The following IGF2R variants were observed in gnomAD, a reference collection of about 807,000 sequenced individuals.
The protein encoded by IGF2R is insulin like growth factor 2 receptor, also known as cation-independent mannose-6-phosphate receptor.
In IGF2R, 91 loss-of-function variants were observed where a neutral mutation model predicts 270.6. The observed-to-expected ratio is 0.34, with a 90% CI of 0.28 to 0.40. IGF2R has a LOEUF of 0.40. Among genes scored for constraint, IGF2R ranks in the 10% least tolerant of loss-of-function variants. IGF2R has a pLI of 1.00. For synonymous variants in IGF2R, 1,316 were observed against 1,258.9 expected (o/e 1.05, Z -0.96); for missense variants, 2,805 against 3,188.3 (o/e 0.88, Z 2.90).
intron 1 of IGF2R, among the ~76,000 whole-genome samples, chr6:159,978,080 C>T (rs1007452706): frequency 6.6e-6 from 1 of 152,150 alleles, no homozygotes; most frequent in Non-Finnish European, 1.5e-5. Context: ...TTCTCGCCCT[C>T]CCAGAGCTCT....
intron 19 of IGF2R, among the ~76,000 whole-genome samples, chr6:160,054,971 T>TAACACTCTTTTTCCTGAGTGTTAA (rs1778279051): frequency 6.6e-5 from 10 of 152,118 alleles, no homozygotes; most frequent in Non-Finnish European, 1.3e-4. Flanking sequence ...GTCTGCTTTG[T>TAACACTCTTTTTCCTGAGTGTTAA]CATTGGCTAA....
chr6:159,983,326 T>G, intron 1 of IGF2R, among the ~76,000 whole-genome samples: 1 of 152,200 alleles, frequency 6.6e-6, no homozygotes, highest in Non-Finnish European at 1.5e-5. Flanking sequence ...CTTGTGTGCT[T>G]CCTTCTAATT....
chr6:160,059,576 A>G (rs1248042486), intron 22 of IGF2R, among the ~76,000 whole-genome samples: 2 of 152,212 alleles, frequency 1.3e-5, no homozygotes, highest in African/African-American at 4.8e-5. Context: ...TGTATTCAAC[A>G]CAGCAGTCAG....
Position 160,052,596 on chromosome 6 carries a change from A to T in IGF2R, c.2694+1944A>T, listed in dbSNP as rs144687428. Among the ~76,000 whole-genome samples the T allele has an allele frequency of 9.2e-3, 1,403 of 152,314 alleles. 26 individuals are homozygous for T. The highest frequency in any genetic ancestry group is 0.032 in the African/African-American group (1,326 of 41,554). ...TGGAAAAAACTACTTTAAAGTTCAT[A>T]TGGAACCAAAAAAGAGCCCACATTG... On this transcript the variant is annotated intron_variant, in intron 19 of 47. Coordinates refer to ENST00000356956, the MANE Select transcript of IGF2R (RefSeq NM_000876.4).
At chr6:160,095,633 G>A (rs1779339943) in intron 44 of IGF2R, 1 of 152,184 alleles carries the variant, frequency 6.6e-6, no homozygotes, top group South Asian at 2.1e-4. Context: ...AAGAGGTCTG[G>A]CACTAGTAGC....
At chr6:160,028,648 G>A (rs1777617833) in intron 6 of IGF2R, among the ~76,000 whole-genome samples, 1 of 152,248 alleles carries the variant, frequency 6.6e-6, no homozygotes, top group South Asian at 2.1e-4. Context: ...TGGGGGCCAT[G>A]TTGGATGGTG....
chr6:160,062,034 C>T (rs1008696414), intron 25 of IGF2R, 106 bp downstream of exon 25: 7 of 1,079,548 alleles, frequency 6.5e-6, no homozygotes, highest in African/African-American at 4.7e-5. Flanking sequence ...CCTGTGTTTT[C>T]GTGGAGTTTC....
chr6:160,089,109 T>G lies in IGF2R; in HGVS notation c.6323T>G (p.Phe2108Cys). ...AGCCTGTGCTTCCCTCCTCCTAGGTTTGATATCGACAGCTGCACTTACTAC... is the reference window on the plus strand; with the variant it reads ...AGCCTGTGCTTCCCTCCTCCTAGGTGTGATATCGACAGCTGCACTTACTAC... ...KTVGRPAFKR[F>C]DIDSCTYYFS... The change falls in exon 43 of 48, where the codon TTT becomes TGT. Residue 2108 changes from phenylalanine (F) to cysteine (C), a missense_variant and splice_region_variant. Phe to Cys is a radical substitution (Grantham distance 205). Around this residue, in one of 2 missense-constraint regions of IGF2R, gnomAD observed 1,851 missense variants for 2,207.2 expected, o/e 0.84. Transcript: ENST00000356956. The G allele has an allele frequency of 6.2e-7, 1 of 1,612,460 alleles. No homozygotes were observed. Among genetic ancestry groups the G allele is most frequent in the East Asian group, 2.2e-5 (1 of 44,800 alleles).
At chr6:160,058,196 C>T (rs776067454) in intron 21 of IGF2R, 72 bp downstream of exon 21, 48 of 977,596 alleles carry the variant, frequency 4.9e-5, no homozygotes, top group Non-Finnish European at 7.0e-5. Flanking sequence ...GTCACCTGCA[C>T]GTGGTGATAT....
chr6:160,071,999 C>T lies in IGF2R; in HGVS notation c.4533C>T (p.Asn1511=), dbSNP rs759426249. The T allele has an allele frequency of 1.3e-5, 21 of 1,614,056 alleles. No individual in the cohort carries two copies. The highest frequency in any genetic ancestry group is 8.3e-5 in the Admixed American group (5 of 60,000). ...CCACAGCCTGTCCCATGAAGAGCAA[C>T]GAGCATGATGACTGCCAGGTCACCA... ...PTATACPMKS[N]EHDDCQVTNP... is the part of the protein sequence containing the mutation. Residue 1511 remains asparagine (N), a synonymous_variant, in exon 32 of 48, where the codon AAC becomes AAT. Transcript: ENST00000356956.
intron 35 of IGF2R, among the ~76,000 whole-genome samples, chr6:160,075,132 A>G (rs1778829084): frequency 6.7e-6 from 1 of 149,444 alleles, no homozygotes; most frequent in African/African-American, 2.4e-5. Context: ...ACACACGTGC[A>G]TGCACACACA....
At chr6:160,053,904 TG>T (rs943183953) in intron 19 of IGF2R, among the ~76,000 whole-genome samples, 2 of 152,116 alleles carry the variant, frequency 1.3e-5, no homozygotes, top group Non-Finnish European at 2.9e-5. Context: ...TTTGAAGAGA[TG>T]GGGGGTCTGT....
chr6:160,064,759 G>A, intron 28 of IGF2R, 45 bp from the exon 29 acceptor site: 3 of 1,374,964 alleles, frequency 2.2e-6, no homozygotes, highest in Non-Finnish European at 1.0e-6. Flanking sequence ...ATAAACTAAA[G>A]TTTTGCATTC....
intron 4 of IGF2R, among the ~76,000 whole-genome samples, chr6:160,022,930 A>G (rs1336354497): frequency 6.6e-6 from 1 of 152,216 alleles, no homozygotes; most frequent in Non-Finnish European, 1.5e-5. Flanking sequence ...TCAGGAGGGT[A>G]GAATTGCATC....
At chr6:160,017,635 A>G (rs891882482) in intron 4 of IGF2R, among the ~76,000 whole-genome samples, 1 of 152,166 alleles carries the variant, frequency 6.6e-6, no homozygotes, top group African/African-American at 2.4e-5. Flanking sequence ...TATAAAGAAA[A>G]TCCCATCAAA....
intron 33 of IGF2R, 130 bp downstream of exon 33, chr6:160,073,014 C>T (rs1162267765): frequency 7.1e-7 from 1 of 1,398,830 alleles, no homozygotes; most frequent in Admixed American, 2.2e-5. Flanking sequence ...TCTCCTGCAG[C>T]AGTCACCCCA....
chr6:159,990,048 C>T (rs774211396), intron 1 of IGF2R, among the ~76,000 whole-genome samples: 9 of 152,146 alleles, frequency 5.9e-5, no homozygotes, highest in Non-Finnish European at 1.2e-4. Context: ...CTCTGTCTTG[C>T]GAGTTCAGAT....
intron 1 of IGF2R, among the ~76,000 whole-genome samples, chr6:159,982,544 C>T (rs1461496262): frequency 6.6e-6 from 1 of 152,186 alleles, no homozygotes; most frequent in African/African-American, 2.4e-5. Context: ...ACTTATGTGT[C>T]ACCAACTGGG....
intron 2 of IGF2R, among the ~76,000 whole-genome samples, chr6:159,992,654 T>C (rs1783997757): frequency 6.6e-6 from 1 of 152,052 alleles, no homozygotes; most frequent in African/African-American, 2.4e-5. Context: ...TTTTTTGTTA[T>C]CCAGTCATCC....
Sources: allele counts gnomAD v4.1 joint callset (sites outside exome capture counted in the v4.1 genomes callset), GRCh38; gene constraint gnomAD v4.1.1; regional missense constraint gnomAD v4.1.1; transcripts MANE v1.5; gene names NCBI Gene and HGNC (gene_info 2026-07-23, HGNC 2026-07-21).